ZNF90: variants seen among roughly 807,000 people sequenced by gnomAD.
ZNF90 encodes zinc finger protein HTF9.
A neutral mutation model predicts 12.0 loss-of-function variants in ZNF90; 11 were observed. That is an observed-to-expected ratio of 0.92 (90% CI 0.58 to 1.52). The LOEUF is 1.52. Among genes scored for constraint, ZNF90 ranks in the 40% most tolerant of loss-of-function variants. The pLI, the probability that ZNF90 is intolerant of heterozygous loss-of-function variation, is 0.00. For missense variants in ZNF90, 765 were observed against 711.5 expected (o/e 1.08, Z -0.86); for synonymous variants, 232 against 240.1 (o/e 0.97, Z 0.31).
chr19:20,117,013 TTGTGTGTGTGTGTGTGTGTG>T (rs371655051), intron 3 of ZNF90, among the ~76,000 whole-genome samples: 1 of 128,666 alleles, frequency 7.8e-6, no homozygotes, highest in Non-Finnish European at 1.6e-5. Flanking sequence ...CAACTTACAT[TTGTGTGTGTGTGTGTGTGTG>T]TGTGTGTGTG....
At chr19:20,104,976 A>G (rs35745333) in intron 2 of ZNF90, among the ~76,000 whole-genome samples, 70,316 of 151,990 alleles carry the variant, frequency 0.46, 17,284 homozygotes, top group African/African-American at 0.63. Context: ...CCTGGGTAAC[A>G]AGAGAAACTC....
At position 20,119,224 on chromosome 19, in the gene ZNF90, T is replaced by C. The variant is rs782646612; in HGVS notation, c.1670T>C (p.Ile557Thr). The change falls in exon 4 of 4, where the codon ATA becomes ACA. Residue 557 changes from isoleucine (I) to threonine (T), a missense_variant. Coordinates refer to ENST00000418063, the MANE Select transcript of ZNF90 (RefSeq NM_007138.2). ...TCCTCACAGCTTACTAGTCATAAGA[T>C]AAGTCATACTGGAGAGAAACCCTAC... is the stretch of plus-strand genomic sequence containing the variant. ...KRSSQLTSHK[I>T]SHTGEKPYKC... 1.2e-6 allele frequency: 2 copies of C among 1,613,660 alleles called. No individual in the cohort carries two copies. The highest frequency in any genetic ancestry group is 2.2e-5 in the South Asian group (2 of 91,014).
At chr19:20,117,044 TGTGAGA>T (rs1362418772) in intron 3 of ZNF90, among the ~76,000 whole-genome samples, 14 of 145,660 alleles carry the variant, frequency 9.6e-5, no homozygotes, top group East Asian at 4.0e-4. Flanking sequence ...TGTGTGTGTG[TGTGAGA>T]GAGAGAGAGA....
intron 3 of ZNF90, among the ~76,000 whole-genome samples, chr19:20,112,834 T>C (rs982272269): frequency 2.6e-5 from 4 of 152,182 alleles, no homozygotes; most frequent in African/African-American, 9.6e-5. Flanking sequence ...TTCCCTATAT[T>C]CTAAGATTTC....
rs1246284798 is a variant in ZNF90, at chr19:20,118,891, T to C, written c.1337T>C (p.Ile446Thr). ...TCAGCCCTTAGCACACATAAGATAATTCATAGTGGAGAGAAACCCTACAAA... is the reference window on the plus strand; with the variant it reads ...TCAGCCCTTAGCACACATAAGATAACTCATAGTGGAGAGAAACCCTACAAA... Reference protein sequence around the residue: ...RSSALSTHKIIHSGEKPYKCE... With the variant: ...RSSALSTHKITHSGEKPYKCE... The change falls in exon 4 of 4, where the codon ATT becomes ACT. Residue 446 changes from isoleucine (I) to threonine (T), a missense_variant. Ile to Thr is a moderately conservative substitution (Grantham distance 89). Coordinates refer to ENST00000418063, the MANE Select transcript of ZNF90 (RefSeq NM_007138.2). 6 of 1,598,372 alleles carry C rather than the reference T, an allele frequency of 3.8e-6. No individual in the cohort carries two copies. The highest frequency in any genetic ancestry group is 4.3e-6 in the Non-Finnish European group (5 of 1,174,464).
intron 3 of ZNF90, among the ~76,000 whole-genome samples, chr19:20,113,284 G>A (rs911204735): frequency 6.6e-6 from 1 of 151,620 alleles, no homozygotes; most frequent in Non-Finnish European, 1.5e-5. Context: ...TCTGCCTCCT[G>A]GGTTCAAGCC....
Position 20,114,278 on chromosome 19 carries a change from GAGA to G in ZNF90, c.227-3500_227-3498del, listed in dbSNP as rs1248029797. On this transcript the variant is annotated intron_variant, in intron 3 of 3. Transcript: ENST00000418063. Reference sequence around the variant, plus strand: ...TGCAGTTTAGCCTGGGAGACAGAATGAGAAGTATATATTTCTAAATATTCAGTT... The same window carrying G: ...TGCAGTTTAGCCTGGGAGACAGAATGAGTATATATTTCTAAATATTCAGTT... Among the ~76,000 whole-genome samples the G allele has an allele frequency of 1.9e-3, 285 of 152,268 alleles. 1 individual carries two copies. The highest frequency in any genetic ancestry group is 6.5e-3 in the African/African-American group (272 of 41,564).
chr19:20,117,870 C>A lies in ZNF90; in HGVS notation c.316C>A (p.Arg106Ser), dbSNP rs185748773. 1 of 1,609,876 alleles carries A rather than the reference C, an allele frequency of 6.2e-7. No individual in the cohort carries two copies. Among genetic ancestry groups the A allele is most frequent in the East Asian group, 2.2e-5 (1 of 44,754 alleles). Residue 106 changes from arginine to serine, a missense_variant, in exon 4 of 4, where the codon CGT (arginine) becomes AGT (serine). Physicochemically the swap from Arg to Ser is moderately radical, Grantham distance 110. Transcript: ENST00000418063. ...QKVIVTRYEKREYGNLELKKG... is the reference protein window; with the variant it reads ...QKVIVTRYEKSEYGNLELKKG... Reference sequence around the variant, plus strand: ...AGTGATAGTGACAAGATATGAAAAACGTGAATATGGCAATTTAGAGTTAAA... The same window carrying A: ...AGTGATAGTGACAAGATATGAAAAAAGTGAATATGGCAATTTAGAGTTAAA...
At chr19:20,089,114 A>T (rs1387915912) in intron 1 of ZNF90, among the ~76,000 whole-genome samples, 1 of 152,158 alleles carries the variant, frequency 6.6e-6, no homozygotes, top group African/African-American at 2.4e-5. Context: ...GGTGTCTTGT[A>T]CCCAGACTCC....
chr19:20,097,412 G>A (rs563318860), intron 1 of ZNF90, among the ~76,000 whole-genome samples: 1 of 152,248 alleles, frequency 6.6e-6, no homozygotes, highest in African/African-American at 2.4e-5. Context: ...TTAATCTATA[G>A]TCATCTACAG....
rs1385608279 is a variant in ZNF90, at chr19:20,119,164, A to G, written c.1610A>G (p.Tyr537Cys). The G allele has an allele frequency of 1.2e-6, 2 of 1,612,998 alleles. No individual in the cohort carries two copies. The highest frequency in any genetic ancestry group is 1.1e-5 in the South Asian group (1 of 91,026). The change falls in exon 4 of 4, where the codon TAC becomes TGC. Residue 537 changes from tyrosine (Y) to cysteine (C), a missense_variant. Coordinates refer to ENST00000418063, the MANE Select transcript of ZNF90 (RefSeq NM_007138.2). ...HKIIHTGAKP[Y>C]KCEECGKAFK... ...ATAATTCATACTGGAGCGAAACCCT[A>G]CAAATGTGAAGAATGTGGCAAAGCC...
intron 1 of ZNF90, among the ~76,000 whole-genome samples, chr19:20,103,599 A>T (rs782347643): frequency 1.3e-5 from 2 of 152,228 alleles, no homozygotes; most frequent in Non-Finnish European, 2.9e-5. Context: ...TGTATAAACC[A>T]GCACATTTAA....
At chr19:20,102,287 T>G (rs2088995712) in intron 1 of ZNF90, among the ~76,000 whole-genome samples, 1 of 152,198 alleles carries the variant, frequency 6.6e-6, no homozygotes, top group Non-Finnish European at 1.5e-5. Flanking sequence ...TCGTTAGTCA[T>G]CCCTAGTCAC....
chr19:20,115,158 A>T (rs1182202059), intron 3 of ZNF90, among the ~76,000 whole-genome samples: 1 of 152,146 alleles, frequency 6.6e-6, no homozygotes, highest in Non-Finnish European at 1.5e-5. Context: ...TAATATTTAC[A>T]TGACATTTCT....
intron 3 of ZNF90, among the ~76,000 whole-genome samples, chr19:20,116,666 T>C (rs1470917238): frequency 2.0e-5 from 3 of 152,212 alleles, no homozygotes; most frequent in Non-Finnish European, 4.4e-5. Flanking sequence ...AAATCAATAG[T>C]CTTGGCTAGA....
At chr19:20,097,262 G>T (rs782361701) in intron 1 of ZNF90, among the ~76,000 whole-genome samples, 4 of 152,174 alleles carry the variant, frequency 2.6e-5, no homozygotes, top group African/African-American at 4.8e-5. Flanking sequence ...TACCAGACAT[G>T]ATATAAACAC....
intron 1 of ZNF90, among the ~76,000 whole-genome samples, chr19:20,101,254 G>T (rs931265371): frequency 3.3e-5 from 5 of 152,180 alleles, no homozygotes; most frequent in Non-Finnish European, 2.9e-5. Context: ...AACACTAGTC[G>T]CTGGGTTCCA....
Position 20,119,351 on chromosome 19 carries a change from A to C in ZNF90, c.1797A>C (p.Ala599=), listed in dbSNP as rs782651701. 3.2e-6 allele frequency: 5 copies of C among 1,577,968 alleles called. No individual in the cohort carries two copies. The highest frequency in any genetic ancestry group is 4.3e-6 in the Non-Finnish European group (5 of 1,161,642). The change falls in exon 4 of 4, where the codon GCA becomes GCC. Residue 599 remains alanine, a synonymous_variant. Coordinates refer to ENST00000418063, the MANE Select transcript of ZNF90 (RefSeq NM_007138.2). The stretch of plus-strand genomic sequence containing the variant: ...AAGCCTACATAGTGAAGAACATGGC[A>C]AATCTTTGAAATATTCCTCAACCCT... ...GQKAYIVKNM[A]NL is the part of the protein sequence containing the mutation.
intron 3 of ZNF90, 116 bp from the exon 4 acceptor site, chr19:20,117,665 T>A (rs782096191): frequency 7.1e-7 from 1 of 1,407,424 alleles, no homozygotes. Context: ...TCTTATTGTT[T>A]CTTTCAGTTA....
Sources: allele counts gnomAD v4.1 joint callset (sites outside exome capture counted in the v4.1 genomes callset), GRCh38; gene constraint gnomAD v4.1.1; transcripts MANE v1.5; gene names NCBI Gene and HGNC (gene_info 2026-07-23, HGNC 2026-07-21).